ASAP1: variants seen among roughly 807,000 people sequenced by gnomAD.
The protein encoded by ASAP1 is ArfGAP with SH3 domain, ankyrin repeat and PH domain 1, also known as arf-GAP with SH3 domain, ANK repeat and PH domain-containing protein 1.
In ASAP1, 43 loss-of-function variants were observed where a neutral mutation model predicts 145.2. The ratio of observed to expected loss-of-function variants is 0.30; its 90% confidence interval spans 0.23 to 0.38. ASAP1 has a LOEUF of 0.38. Ranked by LOEUF, ASAP1 falls within the 10% of genes least tolerant of loss-of-function variation. The probability of loss-of-function intolerance (pLI) is 1.00; values close to 1 mark genes in which losing one functional copy is unlikely to be tolerated. For synonymous variants in ASAP1, 546 were observed against 515.5 expected (o/e 1.06, Z -0.80); for missense variants, 1,018 against 1,355.3 (o/e 0.75, Z 3.91).
intron 1 of ASAP1, among the ~76,000 whole-genome samples, chr8:130,418,221 A>T (rs942299590): frequency 2.0e-5 from 3 of 152,228 alleles, no homozygotes; most frequent in Non-Finnish European, 4.4e-5. Flanking sequence ...AGGTTTCTTG[A>T]CTTATAATTC....
At chr8:130,117,100 T>C in intron 20 of ASAP1, 105 bp from the exon 21 acceptor site, 1 of 653,212 alleles carries the variant, frequency 1.5e-6, no homozygotes. Context: ...ATTTGAGACC[T>C]AATTATTATA....
At chr8:130,371,017 T>A (rs1827189921) in intron 2 of ASAP1, among the ~76,000 whole-genome samples, 1 of 152,218 alleles carries the variant, frequency 6.6e-6, no homozygotes, top group African/African-American at 2.4e-5. Context: ...ACCACTGAAT[T>A]GTATATCTTA....
rs749504018 is a variant in ASAP1, at chr8:130,308,816, T to C, written c.186+49201A>G. Among the ~76,000 whole-genome samples, 3 of 152,018 alleles carry C rather than the reference T, an allele frequency of 2.0e-5. No individual in the cohort carries two copies. The South Asian group carries it at 6.2e-4, about 32-fold the overall frequency. On this transcript the variant is annotated intron_variant, in intron 3 of 29. Coordinates refer to ENST00000518721, the MANE Select transcript of ASAP1 (RefSeq NM_018482.4). ...CACCACTTTGGGAGGCCGAGGCAGG[T>C]GGGTCATTTGAGGTCATGAGTTCAA...
chr8:130,307,063 T>A (rs1045363595), intron 3 of ASAP1, among the ~76,000 whole-genome samples: 1 of 152,184 alleles, frequency 6.6e-6, no homozygotes, highest in Non-Finnish European at 1.5e-5. Context: ...CTTACTAAGT[T>A]TTTTCCACCC....
intron 2 of ASAP1, among the ~76,000 whole-genome samples, chr8:130,371,799 C>A (rs2138291861): frequency 6.6e-6 from 1 of 152,336 alleles, no homozygotes; most frequent in South Asian, 2.1e-4. Context: ...TACCTCCAGA[C>A]TTCTCTGGTC....
intron 5 of ASAP1, among the ~76,000 whole-genome samples, chr8:130,201,226 A>C (rs1815848969): frequency 6.6e-6 from 1 of 152,240 alleles, no homozygotes; most frequent in African/African-American, 2.4e-5. Context: ...TTACAGCCAG[A>C]GAGCAGAAAT....
intron 4 of ASAP1, among the ~76,000 whole-genome samples, chr8:130,219,723 C>A (rs1379804714): frequency 6.6e-6 from 1 of 152,190 alleles, no homozygotes; most frequent in African/African-American, 2.4e-5. Context: ...TAAGAAGACA[C>A]ATTCTTTCCC....
At chr8:130,103,140 T>C (rs1592805391) in intron 24 of ASAP1, among the ~76,000 whole-genome samples, 1 of 152,336 alleles carries the variant, frequency 6.6e-6, no homozygotes, top group African/African-American at 2.4e-5. Context: ...CTTGGTTCAA[T>C]CTTGGTGGTT....
chr8:130,072,346 C>G (rs930482571), intron 27 of ASAP1, among the ~76,000 whole-genome samples: 1 of 152,114 alleles, frequency 6.6e-6, no homozygotes, highest in Non-Finnish European at 1.5e-5. Flanking sequence ...GCAGTTCCCC[C>G]CATACTGTTC....
chr8:130,398,077 C>T (rs966271764), intron 2 of ASAP1, among the ~76,000 whole-genome samples: 3 of 152,192 alleles, frequency 2.0e-5, no homozygotes, highest in Non-Finnish European at 2.9e-5. Context: ...TGGAATCAGG[C>T]GAGTGTAGGT....
rs1215573165 is a variant in ASAP1 at position 130,400,039 on chromosome 8, C to T, written c.59+1846G>A. On this transcript the variant is annotated intron_variant, in intron 2 of 29. Coordinates refer to ENST00000518721, the MANE Select transcript of ASAP1 (RefSeq NM_018482.4). ...TTCTCCATGTTGCTTAGGCTGGTCT[C>T]GAACTCCCAACCTCAGGTGATCCGC... 3.3e-5 allele frequency among the ~76,000 whole-genome samples: 5 copies of T among 152,084 alleles called. No homozygotes were observed. The South Asian group carries it at 6.2e-4, about 19-fold the overall frequency.
intron 3 of ASAP1, among the ~76,000 whole-genome samples, chr8:130,357,088 G>A (rs952880263): frequency 6.6e-6 from 1 of 152,026 alleles, no homozygotes; most frequent in Non-Finnish European, 1.5e-5. Flanking sequence ...TATTTTTATC[G>A]TGGCCCCAGA....
intron 5 of ASAP1, among the ~76,000 whole-genome samples, chr8:130,213,216 T>C (rs942880241): frequency 6.6e-6 from 1 of 152,230 alleles, no homozygotes; most frequent in African/African-American, 2.4e-5. Context: ...CTTTCCGAAG[T>C]TTTTGAAAAT....
chr8:130,236,506 TCTAA>T (rs1398996365), intron 4 of ASAP1, among the ~76,000 whole-genome samples: 5 of 152,222 alleles, frequency 3.3e-5, no homozygotes, highest in South Asian at 4.1e-4. Context: ...CCCCCTCCTC[TCTAA>T]CTTTTTCCAC....
At chr8:130,354,032 C>T (rs754590390) in intron 3 of ASAP1, among the ~76,000 whole-genome samples, 1 of 151,930 alleles carries the variant, frequency 6.6e-6, no homozygotes, top group African/African-American at 2.4e-5. Flanking sequence ...GACTACAAGG[C>T]GCCTGACAAC....
At chr8:130,191,988 C>T (rs927226995) in intron 5 of ASAP1, among the ~76,000 whole-genome samples, 6 of 152,144 alleles carry the variant, frequency 3.9e-5, no homozygotes, top group Admixed American at 1.3e-4. Flanking sequence ...TTTTACACAC[C>T]GGAAGGTTTC....
At position 130,061,050 on chromosome 8, in the gene ASAP1, A is replaced by G. The variant is rs147223205; in HGVS notation, c.2721T>C (p.Asp907=). The G allele has an allele frequency of 7.7e-5, 117 of 1,526,604 alleles. No individual in the cohort carries two copies. Among genetic ancestry groups the G allele is most frequent in the Admixed American group, 1.1e-4 (5 of 45,202 alleles). 94.6% of individuals were successfully genotyped at this position (1,526,604 alleles called of 1,614,324 possible). A position where few individuals can be genotyped will look rare whatever the true frequency, so the allele number is the denominator to read the frequency against. Residue 907 remains aspartate (D), a synonymous_variant, in exon 28 of 30, where the codon GAT becomes GAC. Transcript: ENST00000518721. ...TGGTGGCTTTGTCTAGGGAGAGATG[A>G]TCTGTTTTCCTTAGTGCCACTGTGG... ...LPQKVALRKT[D]HLSLDKATIP...
chr8:130,366,974 C>CT (rs895571566), intron 2 of ASAP1, among the ~76,000 whole-genome samples: 1 of 148,924 alleles, frequency 6.7e-6, no homozygotes, highest in Non-Finnish European at 1.5e-5. Flanking sequence ...TCACTGCAAC[C>CT]TCCACCTCCC....
chr8:130,344,444 A>ATT (rs1825580014), intron 3 of ASAP1, among the ~76,000 whole-genome samples: 1 of 152,238 alleles, frequency 6.6e-6, no homozygotes, highest in South Asian at 2.1e-4. Context: ...GAAATGAAAT[A>ATT]CCTGATATTG....
Sources: gnomAD v4.1 joint callset for allele counts (sites outside exome capture counted in the v4.1 genomes callset) on GRCh38, gnomAD v4.1.1 for gene constraint, MANE v1.5 for transcripts, NCBI Gene and HGNC (gene_info 2026-07-23, HGNC 2026-07-21) for gene names.